IL4I1: variants seen among roughly 807,000 people sequenced by gnomAD.
The protein encoded by IL4I1 is interleukin 4 induced 1.
In IL4I1, 24 loss-of-function variants were observed where a neutral mutation model predicts 29.7. The ratio of observed to expected loss-of-function variants is 0.81; its 90% CI spans 0.59 to 1.14. The LOEUF (loss-of-function observed/expected upper bound fraction) is 1.14, where lower values mean the gene tolerates loss of function less well. Ranked by LOEUF, IL4I1 falls within the 50% of genes most tolerant of loss-of-function variation. The pLI is 0.00. For synonymous variants in IL4I1, 371 were observed against 352.5 expected, an observed-to-expected ratio of 1.05 and a Z score of -0.59; for missense variants, 686 against 785.6, an observed-to-expected ratio of 0.87 and a Z score of 1.52.
At chr19:49,919,323 G>A (rs981958976) in intron 2 of IL4I1, among the ~76,000 whole-genome samples, 4 of 152,202 alleles carry the variant, frequency 2.6e-5, no homozygotes, top group African/African-American at 7.2e-5. Flanking sequence ...CTTGCTGTGC[G>A]TTTAAACAAA....
Position 49,925,430 on chromosome 19 carries a change from C to A in IL4I1, c.-228+2264G>T, listed in dbSNP as rs142564599. On this transcript the variant is annotated intron_variant, in intron 2 of 9. Coordinates refer to the IL4I1 transcript ENST00000341114. ...GGCAACATAGTAAGACCCTCCCCCC[C>A]ATCTCTACTAAAAAAAGCCAAAAAA... Among the ~76,000 whole-genome samples, 13 of 143,016 alleles carry A rather than the reference C, an allele frequency of 9.1e-5. No individual in the cohort carries two copies. In the East Asian group the frequency reaches 1.7e-3, roughly 19 times the overall value. 93.8% of individuals were successfully genotyped at this position (143,016 alleles called of 152,430 possible). A position where few individuals can be genotyped will look rare whatever the true frequency, so the allele number is the denominator to read the frequency against.
chr19:49,912,199 T>C (rs1289471642), intron 2 of IL4I1, among the ~76,000 whole-genome samples: 1 of 139,250 alleles, frequency 7.2e-6, no homozygotes, highest in Non-Finnish European at 1.5e-5. Context: ...GACGGGAGTC[T>C]CGCTCTGTTG....
Position 49,895,791 on chromosome 19 carries a change from T to A in IL4I1, c.252+24A>T, listed in dbSNP as rs774469912. The A allele has an allele frequency of 1.1e-5, 17 of 1,503,580 alleles. No homozygotes were observed. The East Asian group carries it at 4.7e-4, about 42-fold the overall frequency. The allele number at this position is 1,503,580 out of a possible 1,614,324, so 93.1% of individuals were successfully genotyped here. A position where few individuals can be genotyped will look rare whatever the true frequency, so the allele number is the denominator to read the frequency against. ...AGCCTGCAGCAGGAGGGACTCCAGG[T>A]AGACTGCAAGCAGTGCTTCCCACCT... is the stretch of plus-strand genomic sequence containing the variant. On this transcript the variant is annotated intron_variant, in intron 3 of 7. Coordinates refer to ENST00000391826, the MANE Select transcript of IL4I1 (RefSeq NM_152899.2).
At chr19:49,908,968 G>A (rs1394280293) in intron 2 of IL4I1, 1 of 1,608,636 alleles carries the variant, frequency 6.2e-7, no homozygotes, top group Non-Finnish European at 8.5e-7. Flanking sequence ...TGCTGGTGGT[G>A]GTGGCGGTGG....
chr19:49,915,509 T>A (rs1004034555), intron 2 of IL4I1, among the ~76,000 whole-genome samples: 5 of 152,194 alleles, frequency 3.3e-5, no homozygotes, highest in Non-Finnish European at 7.3e-5. Flanking sequence ...CCATTTAGAC[T>A]CTGGACCCCC....
chr19:49,905,679 C>T (rs986282360), intron 2 of IL4I1, among the ~76,000 whole-genome samples: 3 of 152,186 alleles, frequency 2.0e-5, no homozygotes, highest in Non-Finnish European at 2.9e-5. Flanking sequence ...TCACTGCAAC[C>T]TCCACCTCTC....
intron 2 of IL4I1, among the ~76,000 whole-genome samples, chr19:49,915,074 T>A (rs1408951446): frequency 3.3e-5 from 5 of 151,150 alleles, no homozygotes; most frequent in Admixed American, 6.6e-5. Flanking sequence ...GGGACAGGAG[T>A]CTGTGCCTGG....
At chr19:49,908,874 C>G in intron 2 of IL4I1, 1 of 1,610,662 alleles carries the variant, frequency 6.2e-7, no homozygotes, top group Non-Finnish European at 8.5e-7. Flanking sequence ...CCAGGTGGAG[C>G]GGTCACGGCA....
intron 5 of IL4I1, among the ~76,000 whole-genome samples, chr19:49,893,987 A>AC (rs2075172405): frequency 1.4e-5 from 2 of 145,896 alleles, no homozygotes; most frequent in African/African-American, 5.0e-5. Context: ...CTCCATCTCA[A>AC]AAAAAAAAAA....
At chr19:49,910,200 C>A (rs1237327640) in intron 2 of IL4I1, among the ~76,000 whole-genome samples, 3 of 152,090 alleles carry the variant, frequency 2.0e-5, no homozygotes, top group Non-Finnish European at 4.4e-5. Context: ...ATTTGAGGCA[C>A]TGCCACAAGC....
In IL4I1 at chr19:49,925,795, A is replaced by G. The variant is rs548164757; in HGVS notation, c.-228+1899T>C. ...TTGCCTTGGTTGTGACAAATGTGGC[A>G]AAGTAATGTAAAATGTTAATGGAAA... On this transcript the variant is annotated intron_variant, in intron 2 of 9. Transcript: ENST00000341114. 9.2e-5 allele frequency among the ~76,000 whole-genome samples: 14 copies of G among 152,370 alleles called. No homozygotes were observed. The East Asian group carries it at 2.7e-3, about 29-fold the overall frequency.
At chr19:49,908,429 G>A (rs368893422) in intron 2 of IL4I1, 8 of 1,614,024 alleles carry the variant, frequency 5.0e-6, no homozygotes, top group South Asian at 1.1e-5. Flanking sequence ...GGCCCCGGAC[G>A]TGTTCAGGTG....
chr19:49,910,851 G>C (rs2075445309), intron 2 of IL4I1, among the ~76,000 whole-genome samples: 1 of 152,220 alleles, frequency 6.6e-6, no homozygotes, highest in Admixed American at 6.5e-5. Flanking sequence ...CTATCAGCAG[G>C]AAGGTCAAAG....
At chr19:49,914,005 A>G (rs927411103) in intron 2 of IL4I1, among the ~76,000 whole-genome samples, 9 of 152,086 alleles carry the variant, frequency 5.9e-5, no homozygotes, top group Non-Finnish European at 1.3e-4. Flanking sequence ...ACAGCATCAC[A>G]ATTTGAGCAA....
intron 2 of IL4I1, among the ~76,000 whole-genome samples, chr19:49,914,576 G>A (rs534080871): frequency 1.3e-5 from 2 of 152,136 alleles, no homozygotes; most frequent in Non-Finnish European, 1.5e-5. Flanking sequence ...AGGAAGACCC[G>A]CTTGGGATTC....
intron 2 of IL4I1, among the ~76,000 whole-genome samples, chr19:49,923,558 G>A (rs1016206324): frequency 6.6e-6 from 1 of 152,180 alleles, no homozygotes; most frequent in African/African-American, 2.4e-5. Flanking sequence ...ACACAGACCC[G>A]GGCTCTGGCA....
chr19:49,898,660 G>C (rs1268499739), upstream of IL4I1, among the ~76,000 whole-genome samples: 1 of 152,144 alleles, frequency 6.6e-6, no homozygotes, highest in South Asian at 2.1e-4. Context: ...TTGAGGTCAG[G>C]AGTTCAAGAC....
chr19:49,893,689 G>A (rs1181225402), intron 5 of IL4I1, among the ~76,000 whole-genome samples: 1 of 152,042 alleles, frequency 6.6e-6, no homozygotes, highest in Non-Finnish European at 1.5e-5. Context: ...TTACGGGGAA[G>A]CTAAAGAAGG....
chr19:49,924,408 G>A (rs1600559716), intron 2 of IL4I1, among the ~76,000 whole-genome samples: 3 of 152,122 alleles, frequency 2.0e-5, no homozygotes, highest in Non-Finnish European at 2.9e-5. Flanking sequence ...TCTGCTAACC[G>A]GGAGCGGTTG....
Sources: allele counts gnomAD v4.1 joint callset (sites outside exome capture counted in the v4.1 genomes callset), GRCh38; gene constraint gnomAD v4.1.1; transcripts MANE v1.5; gene names NCBI Gene and HGNC (gene_info 2026-07-23, HGNC 2026-07-21).